The following CTNNA3 variants were observed in gnomAD, a reference collection of about 807,000 sequenced individuals.
CTNNA3 encodes the protein catenin alpha-3.
In CTNNA3, 76 loss-of-function variants were observed where a neutral mutation model predicts 95.7. That is an observed-to-expected ratio of 0.79 (90% CI 0.66 to 0.96). The LOEUF (loss-of-function observed/expected upper bound fraction) is 0.96, where lower values mean the gene tolerates loss of function less well. Ranked by LOEUF, CTNNA3 falls within the 40% of genes least tolerant of loss-of-function variation. The pLI is 0.00. For missense variants in CTNNA3, 1,191 were observed against 1,089.8 expected (o/e 1.09, Z -1.31); for synonymous variants, 431 against 374.4 (o/e 1.15, Z -1.74).
intron 4 of CTNNA3, among the ~76,000 whole-genome samples, chr10:67,532,430 T>C (rs956950878): frequency 2.6e-5 from 4 of 152,212 alleles, no homozygotes; most frequent in Non-Finnish European, 5.9e-5. Context: ...AGAATTATTG[T>C]TTGTCCACAA....
chr10:67,102,466 C>A (rs2131948088), intron 7 of CTNNA3, among the ~76,000 whole-genome samples: 1 of 151,718 alleles, frequency 6.6e-6, no homozygotes, highest in Non-Finnish European at 1.5e-5. Flanking sequence ...GGGTAAATTT[C>A]ACATTTTAAA....
intron 12 of CTNNA3, among the ~76,000 whole-genome samples, chr10:66,359,872 G>T (rs1280630462): frequency 2.0e-5 from 3 of 150,526 alleles, no homozygotes; most frequent in African/African-American, 7.3e-5. Context: ...TGTCATCCAG[G>T]CTGTAGTGCA....
chr10:67,116,724 AT>A (rs1859207769), intron 7 of CTNNA3, among the ~76,000 whole-genome samples: 2 of 24,648 alleles, frequency 8.1e-5, no homozygotes, highest in African/African-American at 5.7e-4. Flanking sequence ...TTTTGAAAAT[AT>A]ATATATATAT....
At chr10:66,508,280 C>T (rs1418946592) in intron 11 of CTNNA3, among the ~76,000 whole-genome samples, 2 of 148,248 alleles carry the variant, frequency 1.3e-5, no homozygotes, top group Non-Finnish European at 3.0e-5. Flanking sequence ...CTTTGTCCAG[C>T]CTGCACGGTA....
intron 15 of CTNNA3, among the ~76,000 whole-genome samples, chr10:66,048,080 T>G (rs913584206): frequency 6.6e-6 from 1 of 152,152 alleles, no homozygotes; most frequent in Non-Finnish European, 1.5e-5. Flanking sequence ...ATGCTGTTCC[T>G]ATTAAACTAC....
At position 66,190,146 on chromosome 10, in the gene CTNNA3, A is replaced by T. The variant is rs1373623971; in HGVS notation, c.1885-86897T>A. ...ATTGTAATCAAACTGTTGAAAGCCA[A>T]AACAAAGAAAGAATCTTGAAATCAG... On this transcript the variant is annotated intron_variant, in intron 13 of 17. Coordinates refer to ENST00000433211, the MANE Select transcript of CTNNA3 (RefSeq NM_013266.4). Among the ~76,000 whole-genome samples the T allele has an allele frequency of 2.0e-5, 3 of 152,184 alleles. No individual in the cohort carries two copies. In the East Asian group the frequency reaches 5.8e-4, roughly 29 times the overall value.
chr10:67,167,094 G>A (rs1004932705), intron 7 of CTNNA3, among the ~76,000 whole-genome samples: 3 of 149,858 alleles, frequency 2.0e-5, no homozygotes, highest in South Asian at 2.1e-4. Context: ...GTGACAGAAC[G>A]AGACTCCATC....
At chr10:67,482,023 T>A (rs1228925216) in intron 5 of CTNNA3, among the ~76,000 whole-genome samples, 1 of 152,110 alleles carries the variant, frequency 6.6e-6, no homozygotes, top group African/African-American at 2.4e-5. Flanking sequence ...CCCCATTGCT[T>A]GTTTTTCTCA....
At chr10:66,237,370 A>G (rs1270190444) in intron 13 of CTNNA3, among the ~76,000 whole-genome samples, 1 of 152,166 alleles carries the variant, frequency 6.6e-6, no homozygotes, top group Non-Finnish European at 1.5e-5. Context: ...ATTTGAAAGA[A>G]ATAAAATCAT....
chr10:66,192,934 T>C (rs1158457908), intron 13 of CTNNA3, among the ~76,000 whole-genome samples: 3 of 152,330 alleles, frequency 2.0e-5, no homozygotes, highest in Non-Finnish European at 2.9e-5. Flanking sequence ...AGGGACCATA[T>C]GTTTATGTCA....
At chr10:66,787,898 A>G (rs1331571553) in intron 7 of CTNNA3, among the ~76,000 whole-genome samples, 4 of 152,204 alleles carry the variant, frequency 2.6e-5, no homozygotes, top group Non-Finnish European at 5.9e-5. Context: ...CCTGGAGAAC[A>G]CCCATGTATC....
chr10:66,259,773 T>C (rs1237877958), intron 13 of CTNNA3, among the ~76,000 whole-genome samples: 3 of 152,162 alleles, frequency 2.0e-5, no homozygotes, highest in East Asian at 3.9e-4. Context: ...GCAAAGCATG[T>C]CTGTATTTGT....
intron 7 of CTNNA3, among the ~76,000 whole-genome samples, chr10:66,934,609 A>G (rs1847588959): frequency 6.6e-6 from 1 of 152,194 alleles, no homozygotes; most frequent in Admixed American, 6.5e-5. Flanking sequence ...CTTACAAAGT[A>G]TTAAAGCTTA....
intron 2 of CTNNA3, among the ~76,000 whole-genome samples, chr10:67,622,434 T>C (rs1843877870): frequency 6.6e-6 from 1 of 152,176 alleles, no homozygotes; most frequent in African/African-American, 2.4e-5. Context: ...CTGGGGTTGG[T>C]TGGAGAACCC....
chr10:67,294,630 A>G (rs1177801284), intron 5 of CTNNA3, among the ~76,000 whole-genome samples: 1 of 152,194 alleles, frequency 6.6e-6, no homozygotes. Context: ...GTGACTCCCC[A>G]GTTCTCCCAC....
At chr10:66,329,701 T>C (rs1302506641) in intron 12 of CTNNA3, among the ~76,000 whole-genome samples, 1 of 151,908 alleles carries the variant, frequency 6.6e-6, no homozygotes, top group Non-Finnish European at 1.5e-5. Flanking sequence ...ACGAGAAAAA[T>C]TTAATACTTT....
intron 7 of CTNNA3, among the ~76,000 whole-genome samples, chr10:66,846,159 A>G (rs192972213): frequency 2.0e-5 from 3 of 149,252 alleles, no homozygotes; most frequent in Admixed American, 1.4e-4. Flanking sequence ...TGCCTTTTGC[A>G]ACAGAGATGA....
At chr10:67,660,488 G>A (rs929080241) in intron 1 of CTNNA3, among the ~76,000 whole-genome samples, 1 of 152,136 alleles carries the variant, frequency 6.6e-6, no homozygotes, top group African/African-American at 2.4e-5. Flanking sequence ...AAAAAGAAAA[G>A]ATGGAAAAGC....
intron 7 of CTNNA3, chr10:67,099,537 AGTTTTATGCAG>A (rs1421552644): frequency 6.6e-6 from 1 of 152,266 alleles, no homozygotes; most frequent in African/African-American, 2.4e-5. Context: ...TATAAAATCT[AGTTTTATGCAG>A]GTTTGTCACA....
Sources: gnomAD v4.1 joint callset for allele counts (sites outside exome capture counted in the v4.1 genomes callset) on GRCh38, gnomAD v4.1.1 for gene constraint, MANE v1.5 for transcripts, NCBI Gene and HGNC (gene_info 2026-07-23, HGNC 2026-07-21) for gene names.